The following MAPKAPK3 variants were observed in gnomAD, a reference collection of about 807,000 sequenced individuals.
MAPKAPK3 encodes the protein MAPK activated protein kinase 3.
In MAPKAPK3, 35 loss-of-function variants were observed where a neutral mutation model predicts 49.2. That is an observed-to-expected ratio of 0.71 (90% CI 0.54 to 0.94). The LOEUF is 0.94. Among genes scored for constraint, MAPKAPK3 ranks in the 40% least tolerant of loss-of-function variants. MAPKAPK3 has a pLI of 0.00. For synonymous variants in MAPKAPK3, 178 were observed against 188.7 expected (o/e 0.94, Z 0.46); for missense variants, 398 against 493.1 (o/e 0.81, Z 1.83).
chr3:50,614,596 A>T (rs1475728701), upstream of MAPKAPK3, among the ~76,000 whole-genome samples: 1 of 151,862 alleles, frequency 6.6e-6, no homozygotes, highest in Non-Finnish European at 1.5e-5. Flanking sequence ...CCCCTTGGAC[A>T]CACAGCTACA....
chr3:50,631,340 G>A (rs543173988), intron 2 of MAPKAPK3, among the ~76,000 whole-genome samples: 15 of 152,322 alleles, frequency 9.8e-5, no homozygotes, highest in South Asian at 2.1e-4. Context: ...GAGGACATGG[G>A]GGGCAGGAGC....
At chr3:50,645,926 T>A in intron 7 of MAPKAPK3, 141 bp downstream of exon 7, 2 of 1,003,996 alleles carry the variant, frequency 2.0e-6, no homozygotes, top group Non-Finnish European at 3.1e-6. Flanking sequence ...TGCCCTTCCC[T>A]TTTGGTCATG....
chr3:50,617,569 G>A lies in MAPKAPK3; in HGVS notation c.4G>A (p.Asp2Asn). Residue 2 changes from aspartate to asparagine, a missense_variant, in exon 2 of 11, where the codon GAT becomes AAT. This residue lies in a region of MAPKAPK3 where 123 missense variants were observed against 117.7 expected (regional missense o/e 1.04). Transcript: ENST00000621469. Reference protein sequence around the residue: MDGETAEEQGGP... With the variant: MNGETAEEQGGP... ...CTCTGAGCGCCCCGCGGGGGCCATG[G>A]ATGGTGAAACAGCAGAGGAGCAGGG... is the stretch of plus-strand genomic sequence containing the variant. 6.5e-7 allele frequency: 1 copy of A among 1,535,418 alleles called. No homozygotes were observed. Among genetic ancestry groups the A allele is most frequent in the Non-Finnish European group, 9.0e-7 (1 of 1,114,446 alleles).
rs1219308377 is a variant in MAPKAPK3, at chr3:50,648,094, T to G, written c.*48T>G. On this transcript the variant is annotated 3_prime_UTR_variant, in exon 11 of 11. Transcript: ENST00000621469. ...TGGCCTCTCAGCCTGCATAACAGAC[T>G]GAAATGTGCTCAGGCCCTGGCCAGG... The G allele has an allele frequency of 6.4e-7, 1 of 1,572,270 alleles. No individual in the cohort carries two copies. The highest frequency in any genetic ancestry group is 8.6e-7 in the Non-Finnish European group (1 of 1,160,484).
chr3:50,638,041 A>C (rs551962774), intron 2 of MAPKAPK3, among the ~76,000 whole-genome samples: 2 of 152,218 alleles, frequency 1.3e-5, no homozygotes, highest in Admixed American at 6.5e-5. Flanking sequence ...GATTAGAGTC[A>C]TAAGGGGAGA....
At chr3:50,640,608 C>A (rs1308441907) in intron 3 of MAPKAPK3, 103 bp downstream of exon 3, 4 of 1,389,272 alleles carry the variant, frequency 2.9e-6, no homozygotes, top group Non-Finnish European at 3.9e-6. Flanking sequence ...GGTAGCAGAT[C>A]TGGGTGCCAC....
chr3:50,637,896 A>G (rs965699404), intron 2 of MAPKAPK3, among the ~76,000 whole-genome samples: 1 of 152,092 alleles, frequency 6.6e-6, no homozygotes. Flanking sequence ...AACAACATAT[A>G]TATTTTTCTG....
intron 2 of MAPKAPK3, among the ~76,000 whole-genome samples, chr3:50,634,488 C>A (rs1201560077): frequency 6.6e-6 from 1 of 151,088 alleles, no homozygotes; most frequent in East Asian, 1.9e-4. Context: ...CTATCTTCTT[C>A]TTCTTTTTTT....
intron 2 of MAPKAPK3, among the ~76,000 whole-genome samples, chr3:50,625,990 C>T (rs1297825788): frequency 1.3e-5 from 2 of 152,104 alleles, no homozygotes; most frequent in African/African-American, 4.8e-5. Flanking sequence ...TCCTGCTGCC[C>T]GCCTTGACCA....
upstream of MAPKAPK3, chr3:50,612,897 G>A (rs978879190): frequency 6.6e-6 from 1 of 152,186 alleles, no homozygotes; most frequent in Non-Finnish European, 1.5e-5. Context: ...CTCCCGTTAT[G>A]CGGACAGAAG....
intron 2 of MAPKAPK3, among the ~76,000 whole-genome samples, chr3:50,620,933 G>A (rs780136791): frequency 2.7e-4 from 41 of 152,294 alleles, no homozygotes; most frequent in Non-Finnish European, 4.7e-4. Context: ...CCCTCTAACT[G>A]GGCACAGCCC....
At chr3:50,625,009 T>C (rs757829924) in intron 2 of MAPKAPK3, among the ~76,000 whole-genome samples, 1 of 152,188 alleles carries the variant, frequency 6.6e-6, no homozygotes, top group Admixed American at 6.5e-5. Context: ...AAAGGCCCCA[T>C]CTTGGGGTTG....
intron 2 of MAPKAPK3, among the ~76,000 whole-genome samples, chr3:50,636,064 C>T (rs1317984945): frequency 6.6e-6 from 1 of 151,392 alleles, no homozygotes; most frequent in Non-Finnish European, 1.5e-5. Flanking sequence ...TGAGCTGTGA[C>T]TGTGTCACTG....
chr3:50,611,892 G>A, upstream of MAPKAPK3: 2 of 533,114 alleles, frequency 3.8e-6, no homozygotes, highest in Non-Finnish European at 6.1e-6. Flanking sequence ...CGGAAGCAGC[G>A]TCTTCCTAGA....
intron 2 of MAPKAPK3, among the ~76,000 whole-genome samples, chr3:50,638,688 A>G (rs2033100633): frequency 6.6e-6 from 1 of 152,172 alleles, no homozygotes; most frequent in African/African-American, 2.4e-5. Flanking sequence ...TCGAGAAACC[A>G]CTGCCTGCCT....
intron 2 of MAPKAPK3, among the ~76,000 whole-genome samples, chr3:50,628,100 T>C (rs2032806283): frequency 6.6e-6 from 1 of 152,144 alleles, no homozygotes; most frequent in East Asian, 1.9e-4. Flanking sequence ...TTCTGATTCC[T>C]TTGTCATCAC....
chr3:50,617,828 A>G (rs755715235), intron 2 of MAPKAPK3, 44 bp downstream of exon 2: 5 of 1,500,812 alleles, frequency 3.3e-6, no homozygotes, highest in Non-Finnish European at 4.6e-6. Context: ...TGGAGGGTCC[A>G]CAGCGGAAGC....
At chr3:50,636,513 G>A (rs2033044383) in intron 2 of MAPKAPK3, among the ~76,000 whole-genome samples, 1 of 152,224 alleles carries the variant, frequency 6.6e-6, no homozygotes, top group South Asian at 2.1e-4. Context: ...AGCTTTCTGG[G>A]GAGCTAGGAA....
intron 2 of MAPKAPK3, among the ~76,000 whole-genome samples, chr3:50,632,210 C>A (rs2032932031): frequency 6.6e-6 from 1 of 152,116 alleles, no homozygotes. Flanking sequence ...ATGTGAAATC[C>A]CTTTTAGAAT....
Sources: gnomAD v4.1 joint callset for allele counts (sites outside exome capture counted in the v4.1 genomes callset) on GRCh38, gnomAD v4.1.1 for gene constraint, gnomAD v4.1.1 regional missense constraint, MANE v1.5 for transcripts, NCBI Gene and HGNC (gene_info 2026-07-23, HGNC 2026-07-21) for gene names.